Variants in IMMP1L observed in about 807,000 individuals in gnomAD.
IMMP1L encodes the protein inner mitochondrial membrane peptidase subunit 1.
In IMMP1L, 24 loss-of-function variants were observed where a neutral mutation model predicts 21.8. The ratio of observed to expected loss-of-function variants is 1.10; its 90% CI spans 0.80 to 1.55. The LOEUF is 1.55. IMMP1L is among the 40% of genes most tolerant of loss of function. IMMP1L has a pLI of 0.00. For missense variants in IMMP1L, 195 were observed against 200.7 expected (o/e 0.97, Z 0.17); for synonymous variants, 46 against 62.8 (o/e 0.73, Z 1.26).
intron 4 of IMMP1L, among the ~76,000 whole-genome samples, chr11:31,444,302 G>A (rs1262495993): frequency 4.6e-5 from 7 of 152,170 alleles, no homozygotes; most frequent in Admixed American, 3.3e-4. Flanking sequence ...TGTGAATTAT[G>A]TCTATTGGGC....
At chr11:31,506,000 C>A (rs1565021230) in intron 1 of IMMP1L, among the ~76,000 whole-genome samples, 1 of 152,118 alleles carries the variant, frequency 6.6e-6, no homozygotes, top group Non-Finnish European at 1.5e-5. Context: ...AAGTTATATG[C>A]GTGTTTTCAA....
At chr11:31,433,606 A>G in intron 4 of IMMP1L, 36 bp from the exon 5 acceptor site, 1 of 1,327,514 alleles carries the variant, frequency 7.5e-7, no homozygotes, top group South Asian at 1.2e-5. Context: ...TCTTAAAGAT[A>G]AAACCTAATT....
chr11:31,496,807 T>TAA (rs1302348702), intron 1 of IMMP1L, among the ~76,000 whole-genome samples: 2 of 147,928 alleles, frequency 1.4e-5, no homozygotes, highest in Non-Finnish European at 3.0e-5. Flanking sequence ...ATCCTATATA[T>TAA]AACATATATT....
At chr11:31,470,131 T>C (rs759408494) in intron 1 of IMMP1L, among the ~76,000 whole-genome samples, 5 of 152,024 alleles carry the variant, frequency 3.3e-5, no homozygotes, top group Non-Finnish European at 7.4e-5. Flanking sequence ...ATTTGGCAAA[T>C]GGGCTGGGTG....
chr11:31,444,434 G>C (rs887943949), intron 4 of IMMP1L, among the ~76,000 whole-genome samples: 1 of 151,794 alleles, frequency 6.6e-6, no homozygotes, highest in African/African-American at 2.4e-5. Flanking sequence ...ATATAGCTCT[G>C]GTGTTACCCA....
chr11:31,442,178 G>T (rs562049491), intron 4 of IMMP1L, among the ~76,000 whole-genome samples: 1 of 152,170 alleles, frequency 6.6e-6, no homozygotes, highest in East Asian at 1.9e-4. Context: ...CCTGAGCTAG[G>T]TTTACTTCCT....
chr11:31,499,620 A>G (rs2133820701), intron 1 of IMMP1L, among the ~76,000 whole-genome samples: 1 of 152,278 alleles, frequency 6.6e-6, no homozygotes. Context: ...CATTTTTTAA[A>G]GGGCTGAAAG....
At chr11:31,505,116 A>G (rs1174916715) in intron 1 of IMMP1L, among the ~76,000 whole-genome samples, 2 of 152,290 alleles carry the variant, frequency 1.3e-5, no homozygotes, top group African/African-American at 4.8e-5. Context: ...CTCCAGGGCT[A>G]GTGAAGCCAC....
At chr11:31,440,274 A>G (rs1953276769) in intron 4 of IMMP1L, among the ~76,000 whole-genome samples, 2 of 152,180 alleles carry the variant, frequency 1.3e-5, no homozygotes, top group Non-Finnish European at 2.9e-5. Context: ...CAATGTATTA[A>G]AACAGTAGTT....
At chr11:31,494,984 C>A (rs1299798923) in intron 1 of IMMP1L, among the ~76,000 whole-genome samples, 1 of 152,190 alleles carries the variant, frequency 6.6e-6, no homozygotes, top group Admixed American at 6.5e-5. Context: ...CTCTTGAATA[C>A]TTCACTGCTT....
intron 4 of IMMP1L, among the ~76,000 whole-genome samples, chr11:31,451,437 G>A (rs756089054): frequency 1.3e-5 from 2 of 152,122 alleles, no homozygotes; most frequent in Non-Finnish European, 2.9e-5. Context: ...GTGGCAAAAC[G>A]TGGTTTGATT....
intron 2 of IMMP1L, among the ~76,000 whole-genome samples, chr11:31,461,902 C>T (rs1954152793): frequency 6.6e-6 from 1 of 152,134 alleles, no homozygotes; most frequent in South Asian, 2.1e-4. Flanking sequence ...TCCATTTACT[C>T]TATTTGTAAA....
At chr11:31,452,318 T>C in intron 4 of IMMP1L, 3 of 984,370 alleles carry the variant, frequency 3.0e-6, no homozygotes, top group Non-Finnish European at 3.6e-6. Context: ...ATTATACTAA[T>C]AAACATTATG....
intron 4 of IMMP1L, among the ~76,000 whole-genome samples, chr11:31,436,087 G>A (rs1352181126): frequency 1.3e-5 from 2 of 151,322 alleles, no homozygotes; most frequent in East Asian, 3.8e-4. Context: ...GCATATATTA[G>A]TCTTTGGGAT....
intron 4 of IMMP1L, among the ~76,000 whole-genome samples, chr11:31,454,938 A>G (rs1953890705): frequency 6.6e-6 from 1 of 152,244 alleles, no homozygotes; most frequent in Non-Finnish European, 1.5e-5. Context: ...TAATAGTCAT[A>G]TGAAGGTGAA....
At chr11:31,470,477 A>T (rs939409540) in intron 1 of IMMP1L, among the ~76,000 whole-genome samples, 3 of 152,084 alleles carry the variant, frequency 2.0e-5, no homozygotes, top group African/African-American at 7.2e-5. Context: ...GAAGGAAGAG[A>T]AGTGAAGAGT....
chr11:31,441,278 G>C (rs1953318525), intron 4 of IMMP1L, among the ~76,000 whole-genome samples: 2 of 150,558 alleles, frequency 1.3e-5, no homozygotes, highest in African/African-American at 2.4e-5. Flanking sequence ...CATGATGCAG[G>C]TTGGGGGAGC....
chr11:31,446,994 C>A (rs770830273), intron 4 of IMMP1L, among the ~76,000 whole-genome samples: 23 of 152,188 alleles, frequency 1.5e-4, no homozygotes, highest in Non-Finnish European at 3.1e-4. Context: ...ATGTGCTCAA[C>A]AGCCATGTGT....
chr11:31,462,681 T>C (rs922057332), intron 2 of IMMP1L, among the ~76,000 whole-genome samples: 3 of 152,210 alleles, frequency 2.0e-5, no homozygotes, highest in Non-Finnish European at 4.4e-5. Context: ...AGCTGGAATT[T>C]TGAAAACTGG....
Sources: gnomAD v4.1 joint callset for allele counts (sites outside exome capture counted in the v4.1 genomes callset) on GRCh38, gnomAD v4.1.1 for gene constraint, MANE v1.5 for transcripts, NCBI Gene and HGNC (gene_info 2026-07-23, HGNC 2026-07-21) for gene names.